LZTFL1: variants seen among roughly 807,000 people sequenced by gnomAD.
LZTFL1 encodes leucine zipper transcription factor-like protein 1.
A neutral mutation model predicts 45.9 loss-of-function variants in LZTFL1; 25 were observed. The observed-to-expected ratio is 0.54, with a 90% CI of 0.40 to 0.76. The LOEUF is 0.76. Among genes scored for constraint, LZTFL1 ranks in the 30% least tolerant of loss-of-function variants. LZTFL1 has a pLI of 0.00. For missense variants in LZTFL1, 277 were observed against 331.1 expected (o/e 0.84, Z 1.27); for synonymous variants, 93 against 117.4 (o/e 0.79, Z 1.35).
At chr3:45,911,227 A>G (rs556942547) in intron 2 of LZTFL1, among the ~76,000 whole-genome samples, 1 of 152,334 alleles carries the variant, frequency 6.6e-6, no homozygotes, top group Admixed American at 6.5e-5. Context: ...AAGGGTGTCA[A>G]ATAACTCTAG....
chr3:45,872,807 A>G (rs1166645710), intron 2 of LZTFL1, among the ~76,000 whole-genome samples: 2 of 152,222 alleles, frequency 1.3e-5, no homozygotes, highest in African/African-American at 4.8e-5. Flanking sequence ...GGGATTCCAG[A>G]TAATCAGAGG....
chr3:45,894,361 C>T (rs1210126668), intron 2 of LZTFL1, among the ~76,000 whole-genome samples: 1 of 152,182 alleles, frequency 6.6e-6, no homozygotes, highest in African/African-American at 2.4e-5. Context: ...GGGCACCACC[C>T]AGCCCTCATG....
At chr3:45,835,294 G>A (rs1700935986) in intron 3 of LZTFL1, 1 of 323,972 alleles carries the variant, frequency 3.1e-6, no homozygotes, top group African/African-American at 2.2e-5. Flanking sequence ...AAGACTGATG[G>A]TAATACTGAC....
chr3:45,889,988 T>C (rs574254035), intron 2 of LZTFL1, among the ~76,000 whole-genome samples: 8 of 151,432 alleles, frequency 5.3e-5, no homozygotes, highest in African/African-American at 1.9e-4. Flanking sequence ...GCTTTGTAAA[T>C]TTTGACAGAT....
At position 45,861,919 on chromosome 3, in the gene LZTFL1, GCC is replaced by G. The variant is rs142723696; in HGVS notation, c.-214-2905_-214-2904del. Among the ~76,000 whole-genome samples the G allele has an allele frequency of 9.2e-3, 1,403 of 152,268 alleles. 13 individuals are homozygous for G. The highest frequency in any genetic ancestry group is 0.029 in the African/African-American group (1,218 of 41,552). On this transcript the variant is annotated intron_variant, in intron 2 of 4. Coordinates refer to the LZTFL1 transcript ENST00000472635. ...CCTTGGAAAACCAAGATCCAAAAAAGCCATGTGGCTTGCCTAAGGTACCGAGT... is the reference window on the plus strand; with the variant it reads ...CCTTGGAAAACCAAGATCCAAAAAAGATGTGGCTTGCCTAAGGTACCGAGT...
upstream of LZTFL1, among the ~76,000 whole-genome samples, chr3:45,842,630 A>G (rs1457860961): frequency 6.6e-6 from 1 of 152,180 alleles, no homozygotes; most frequent in Admixed American, 6.5e-5. Flanking sequence ...ATCTTCTCTT[A>G]TATTTCCAGC....
Position 45,901,498 on chromosome 3 carries a change from T to C in LZTFL1, c.-215+11622A>G. The C allele has an allele frequency of 1.2e-6, 2 of 1,614,182 alleles. No individual in the cohort carries two copies. Among genetic ancestry groups the C allele is most frequent in the Non-Finnish European group, 8.5e-7 (1 of 1,180,026 alleles). Reference sequence around the variant, plus strand: ...GTCATGGCTTGCTGCTATACCATCATCATTCACACCCTGATACAAGCCAAG... The same window carrying C: ...GTCATGGCTTGCTGCTATACCATCACCATTCACACCCTGATACAAGCCAAG... On this transcript the variant is annotated intron_variant, in intron 2 of 4. Transcript: ENST00000472635. The surrounding 1 kb of genome is among the most constrained non-coding windows in gnomAD (Gnocchi z 4.3).
intron 2 of LZTFL1, among the ~76,000 whole-genome samples, chr3:45,881,223 T>A (rs1326470298): frequency 1.3e-5 from 2 of 152,234 alleles, no homozygotes; most frequent in Non-Finnish European, 2.9e-5. Context: ...CCCTCTGAGC[T>A]GCAGTGGGGA....
At chr3:45,850,141 TGTGA>T (rs1252470005) in intron 4 of LZTFL1, among the ~76,000 whole-genome samples, 2 of 152,256 alleles carry the variant, frequency 1.3e-5, no homozygotes, top group Non-Finnish European at 2.9e-5. Flanking sequence ...CCTTCTACAA[TGTGA>T]GTAATTATAG....
In LZTFL1 at chr3:45,823,857, T is replaced by G. The variant is rs1458579702; in HGVS notation, c.*2457A>C. 6.6e-6 allele frequency: 1 copy of G among 152,166 alleles called. No individual in the cohort carries two copies. The highest frequency in any genetic ancestry group is 1.5e-5 in the Non-Finnish European group (1 of 68,018). 9.4% of individuals were successfully genotyped at this position (152,166 alleles called of 1,614,324 possible). A position where few individuals can be genotyped will look rare whatever the true frequency, so the allele number is the denominator to read the frequency against. ...TCTAAAAGCACCAAGGGCTTAAAAT[T>G]TGAGCATCTCTATAAATCTCTTTCA... On this transcript the variant is annotated 3_prime_UTR_variant, in exon 10 of 10. Transcript: ENST00000296135.
At position 45,885,257 on chromosome 3, in the gene LZTFL1, A is replaced by G. The variant is rs74739895; in HGVS notation, c.-214-26241T>C. Among the ~76,000 whole-genome samples, 1,481 of 152,352 alleles carry G rather than the reference A, an allele frequency of 9.7e-3. 28 individuals carry two copies. Among genetic ancestry groups the G allele is most frequent in the African/African-American group, 0.033 (1,380 of 41,586 alleles). On this transcript the variant is annotated intron_variant, in intron 2 of 4. Transcript: ENST00000472635. ...AATTAACATCCACAAGAGTGTAGTC[A>G]TGATTTTCCCCCAGAACAAATATAT...
Position 45,824,852 on chromosome 3 carries a change from GA to G in LZTFL1, c.*1461del. Reference sequence around the variant, plus strand: ...TCAACAAAAGCTCCAAAAGGGCACAGAAACTGGTAAGTGACCTAAATATGGA... The same window carrying G: ...TCAACAAAAGCTCCAAAAGGGCACAGAACTGGTAAGTGACCTAAATATGGA... On this transcript the variant is annotated 3_prime_UTR_variant, in exon 10 of 10. Transcript: ENST00000296135. 2.5e-6 allele frequency: 1 copy of G among 398,436 alleles called. No individual in the cohort carries two copies. Among genetic ancestry groups the G allele is most frequent in the African/African-American group, 2.1e-5 (1 of 48,736 alleles). The allele number at this position is 398,436 out of a possible 1,614,324, so 24.7% of individuals were successfully genotyped here.
chr3:45,879,795 G>T (rs554166893), intron 2 of LZTFL1, among the ~76,000 whole-genome samples: 46 of 152,228 alleles, frequency 3.0e-4, no homozygotes, highest in African/African-American at 1.1e-3. Flanking sequence ...GCACAATTTT[G>T]CTGTGAACCT....
chr3:45,847,071 G>A (rs573473055), upstream of LZTFL1, among the ~76,000 whole-genome samples: 1 of 152,268 alleles, frequency 6.6e-6, no homozygotes, highest in East Asian at 1.9e-4. Context: ...ATTTGGCACT[G>A]GTTCGGAAGC....
chr3:45,880,522 C>T (rs562170302), intron 2 of LZTFL1, among the ~76,000 whole-genome samples: 5 of 152,154 alleles, frequency 3.3e-5, no homozygotes, highest in Admixed American at 6.5e-5. Context: ...GAAATCGGAT[C>T]GTGTTATCAC....
chr3:45,843,056 A>G (rs543616433), upstream of LZTFL1, among the ~76,000 whole-genome samples: 2 of 152,326 alleles, frequency 1.3e-5, no homozygotes, highest in African/African-American at 2.4e-5. Flanking sequence ...GAGCATTCCA[A>G]TGCACGGAAT....
intron 3 of LZTFL1, 118 bp from the exon 4 acceptor site, chr3:45,834,416 G>A (rs1700912034): frequency 1.3e-5 from 8 of 604,974 alleles, no homozygotes; most frequent in East Asian, 2.9e-5. Flanking sequence ...GAGCAAGATG[G>A]ACCAAACTTC....
chr3:45,841,191 C>T (rs1435653492), intron 1 of LZTFL1, among the ~76,000 whole-genome samples: 1 of 152,212 alleles, frequency 6.6e-6, no homozygotes, highest in Non-Finnish European at 1.5e-5. Context: ...AGCTCCCAGA[C>T]AGCGCTTGGA....
rs1012784305 is a variant in LZTFL1 at position 45,863,080 on chromosome 3, G to A, written c.-214-4064C>T. Among the ~76,000 whole-genome samples, 9 of 152,314 alleles carry A rather than the reference G, an allele frequency of 5.9e-5. 1 individual carries two copies. Among genetic ancestry groups the A allele is most frequent in the Admixed American group, 5.9e-4 (9 of 15,302 alleles). Reference sequence around the variant, plus strand: ...ACACATGCATTGAATGTATATTCATGAGTCCATAATGATACTCAAAAAGAA... The same window carrying A: ...ACACATGCATTGAATGTATATTCATAAGTCCATAATGATACTCAAAAAGAA... On this transcript the variant is annotated intron_variant, in intron 2 of 4. Coordinates refer to the LZTFL1 transcript ENST00000472635.
Sources: gnomAD v4.1 joint callset for allele counts (sites outside exome capture counted in the v4.1 genomes callset) on GRCh38, gnomAD v4.1.1 for gene constraint, Gnocchi (gnomAD v3.1) non-coding constraint, MANE v1.5 for transcripts, NCBI Gene and HGNC (gene_info 2026-07-23, HGNC 2026-07-21) for gene names.